Variants in PAX8 observed in about 807,000 individuals in gnomAD.
PAX8 encodes the protein paired box protein Pax-8.
In PAX8, 15 loss-of-function variants were observed where a neutral mutation model predicts 52.4. That is an observed-to-expected ratio of 0.29 (90% CI 0.19 to 0.44). The LOEUF (loss-of-function observed/expected upper bound fraction) is 0.44. Ranked by LOEUF, PAX8 falls within the 20% of genes least tolerant of loss-of-function variation. The pLI is 1.00. For missense variants in PAX8, 554 were observed against 602.5 expected (o/e 0.92, Z 0.84); for synonymous variants, 284 against 249.7 (o/e 1.14, Z -1.29).
chr2:113,222,750 G>A (rs1309672498), intron 10 of PAX8, among the ~76,000 whole-genome samples: 1 of 151,898 alleles, frequency 6.6e-6, no homozygotes, highest in Admixed American at 6.6e-5. Context: ...CTGCCCCATG[G>A]TCTCTGCCTT....
chr2:113,257,364 C>T (rs963821298), intron 2 of PAX8, among the ~76,000 whole-genome samples: 3 of 152,134 alleles, frequency 2.0e-5, no homozygotes, highest in African/African-American at 7.2e-5. Context: ...GGTGTCTATG[C>T]TCTTTAATGC....
At chr2:113,238,216 C>G (rs148404445) in intron 7 of PAX8, 1 of 152,020 alleles carries the variant, frequency 6.6e-6, no homozygotes, top group African/African-American at 2.4e-5. Context: ...ATTACAGGTG[C>G]GTGCTACCAT....
At position 113,242,785 on chromosome 2, in the gene PAX8, T is replaced by G. The variant is rs1019942032; in HGVS notation, c.390-7A>C. On this transcript the variant is annotated splice_region_variant and splice_polypyrimidine_tract_variant and intron_variant, in intron 4 of 11. Coordinates refer to ENST00000429538, the MANE Select transcript of PAX8 (RefSeq NM_003466.4). ...CACTTTGGTCCGGATGATTCTGTGA[T>G]GAAGAGAAGAAAGGCCATGAGAGAG... 6.2e-7 allele frequency: 1 copy of G among 1,610,388 alleles called. No individual in the cohort carries two copies. Among genetic ancestry groups the G allele is most frequent in the African/African-American group, 1.3e-5 (1 of 74,810 alleles).
intron 7 of PAX8, 159 bp downstream of exon 7, chr2:113,241,392 A>G (rs1451585985): frequency 4.0e-6 from 3 of 753,578 alleles, no homozygotes; most frequent in African/African-American, 3.4e-5. Context: ...GGCATCTGGT[A>G]AAATAAAGCA....
At chr2:113,222,359 A>G (rs1689320194) in intron 10 of PAX8, among the ~76,000 whole-genome samples, 1 of 152,238 alleles carries the variant, frequency 6.6e-6, no homozygotes, top group Admixed American at 6.5e-5. Context: ...TTTGTCACTC[A>G]TTCATGCATT....
rs769309449 is a variant in PAX8, at chr2:113,242,029, C to T, written c.580G>A (p.Asp194Asn). ...GLLGIAQPGS[D>N]KRKMDDSDQD... ...TCACTGTCATCCATTTTCCTCTTGT[C>T]GCTGCCAGGCTGAGCGATGCCCAGG... Residue 194 changes from aspartate to asparagine, a missense_variant, in exon 6 of 12, where the codon GAC becomes AAC. Transcript: ENST00000429538. The T allele has an allele frequency of 1.5e-5, 24 of 1,613,552 alleles. No individual in the cohort carries two copies. Among genetic ancestry groups the T allele is most frequent in the African/African-American group, 4.0e-5 (3 of 74,908 alleles).
intron 9 of PAX8, among the ~76,000 whole-genome samples, chr2:113,227,487 T>C (rs955921794): frequency 1.3e-5 from 2 of 152,222 alleles, no homozygotes; most frequent in Non-Finnish European, 2.9e-5. Context: ...GTTACTGCAG[T>C]CTCACACTGT....
chr2:113,251,543 G>T (rs1265663086), intron 2 of PAX8, among the ~76,000 whole-genome samples: 2 of 152,196 alleles, frequency 1.3e-5, no homozygotes, highest in Admixed American at 6.5e-5. Context: ...ACTCAGACGG[G>T]AAATGCAAGC....
At chr2:113,231,192 A>G (rs1349284511) in intron 9 of PAX8, among the ~76,000 whole-genome samples, 1 of 152,218 alleles carries the variant, frequency 6.6e-6, no homozygotes, top group Non-Finnish European at 1.5e-5. Flanking sequence ...TCTCTTTGGC[A>G]GAACTAAATA....
intron 2 of PAX8, 41 bp downstream of exon 2, chr2:113,278,329 G>T (rs762918269): frequency 1.4e-6 from 2 of 1,467,080 alleles, no homozygotes; most frequent in Admixed American, 1.7e-5. Context: ...GACGCTCAGC[G>T]GCGCGGGGGC....
In PAX8 at chr2:113,255,491, G is replaced by A. The variant is rs186404484; in HGVS notation, c.26-8572C>T. On this transcript the variant is annotated intron_variant, in intron 2 of 11. Transcript: ENST00000429538. ...CCTGCTTCTGAAGGAGTCAGGGTAT[G>A]AATGCAGAGGTCTTCCTGTTGGCTC... 7.7e-4 allele frequency: 118 copies of A among 152,598 alleles called. 1 individual carries two copies. The highest frequency in any genetic ancestry group is 2.7e-3 in the African/African-American group (113 of 41,552). 9.5% of individuals were successfully genotyped at this position (152,598 alleles called of 1,614,324 possible).
At chr2:113,274,026 G>A (rs750716006) in intron 2 of PAX8, 9 of 152,118 alleles carry the variant, frequency 5.9e-5, no homozygotes, top group South Asian at 2.1e-4. Context: ...CCAGACGTGC[G>A]TGTGTGTGCG....
chr2:113,263,591 G>A (rs545530721), intron 2 of PAX8: 32 of 152,316 alleles, frequency 2.1e-4, no homozygotes, highest in Non-Finnish European at 2.9e-4. Flanking sequence ...ATGCCATCTC[G>A]GAGGCTCAAA....
At chr2:113,248,484 A>G (rs1691503138) in intron 2 of PAX8, among the ~76,000 whole-genome samples, 1 of 152,186 alleles carries the variant, frequency 6.6e-6, no homozygotes, top group South Asian at 2.1e-4. Flanking sequence ...GAGAAGGAAG[A>G]GCCAACCCCA....
intron 9 of PAX8, among the ~76,000 whole-genome samples, chr2:113,233,423 T>C (rs1690024490): frequency 6.6e-6 from 1 of 151,680 alleles, no homozygotes; most frequent in Admixed American, 6.6e-5. Flanking sequence ...GGCTCACACC[T>C]GTAACCCCAG....
intron 6 of PAX8, 129 bp from the exon 7 acceptor site, chr2:113,241,855 G>A (rs1488571675): frequency 1.4e-6 from 2 of 1,440,068 alleles, no homozygotes; most frequent in Middle Eastern, 1.8e-4. Flanking sequence ...GTGGGCCCAG[G>A]AGCCTTGGCC....
intron 2 of PAX8, chr2:113,263,455 G>C (rs998748602): frequency 1.3e-5 from 2 of 152,748 alleles, no homozygotes; most frequent in Admixed American, 1.3e-4. Context: ...ATACTGTCAA[G>C]TAAGTGATTC....
chr2:113,233,421 C>A (rs1203649458), intron 9 of PAX8, among the ~76,000 whole-genome samples: 1 of 151,694 alleles, frequency 6.6e-6, no homozygotes, highest in Non-Finnish European at 1.5e-5. Flanking sequence ...GTGGCTCACA[C>A]CTGTAACCCC....
intron 3 of PAX8, among the ~76,000 whole-genome samples, chr2:113,246,426 A>G (rs1219970596): frequency 6.6e-6 from 1 of 152,100 alleles, no homozygotes; most frequent in Non-Finnish European, 1.5e-5. Context: ...TCTCGGTAGG[A>G]GGAGGACCTT....
Sources: gnomAD v4.1 joint callset for allele counts (sites outside exome capture counted in the v4.1 genomes callset) on GRCh38, gnomAD v4.1.1 for gene constraint, MANE v1.5 for transcripts, NCBI Gene and HGNC (gene_info 2026-07-23, HGNC 2026-07-21) for gene names.